CIST1: variants seen among roughly 807,000 people sequenced by gnomAD.
CIST1 encodes uncharacterized LOC729966.
At chr19:18,251,274 C>T in the CIST1 span, among the ~76,000 whole-genome samples, 15 of 149,294 alleles carry the variant, frequency 1.0e-4, no homozygotes, top group Middle Eastern at 3.8e-3. Context: ...TACAGGCGCC[C>T]GCCACCATGC....
At chr19:18,254,403 C>A in the CIST1 span, among the ~76,000 whole-genome samples, 1 of 152,198 alleles carries the variant, frequency 6.6e-6, no homozygotes, top group African/African-American at 2.4e-5. Context: ...TGGTGAGCTG[C>A]TGAAGGGTTG....
the CIST1 span, among the ~76,000 whole-genome samples, chr19:18,254,220 C>T: frequency 6.6e-6 from 1 of 152,214 alleles, no homozygotes; most frequent in African/African-American, 2.4e-5. Context: ...CTCAAGGACC[C>T]TTGTCCTCTG....
chr19:18,254,149 C>T, the CIST1 span, among the ~76,000 whole-genome samples: 4 of 152,162 alleles, frequency 2.6e-5, no homozygotes, highest in Non-Finnish European at 4.4e-5. Flanking sequence ...AGATGAGAAA[C>T]TGAGGCTCAG....
At chr19:18,252,606 TTC>T in the CIST1 span, 3 of 367,750 alleles carry the variant, frequency 8.2e-6, no homozygotes, top group Admixed American at 4.7e-5. Context: ...CTCTCTCTCT[TTC>T]TCTCTCTCTT....
chr19:18,252,420 A>C, the CIST1 span: 1 of 398,990 alleles, frequency 2.5e-6, no homozygotes, highest in African/African-American at 2.1e-5. Flanking sequence ...GGGAGAAGAA[A>C]TCAGAGAGCT....
At chr19:18,254,750 C>G in the CIST1 span, among the ~76,000 whole-genome samples, 1 of 152,066 alleles carries the variant, frequency 6.6e-6, no homozygotes, top group Non-Finnish European at 1.5e-5. Context: ...AAGGCTCCTC[C>G]CCTCCACCCT....
the CIST1 span, among the ~76,000 whole-genome samples, chr19:18,253,462 G>A: frequency 6.6e-6 from 1 of 151,708 alleles, no homozygotes; most frequent in East Asian, 1.9e-4. Flanking sequence ...GAGGTGGGAG[G>A]ATCGCTTGAG....
the CIST1 span, among the ~76,000 whole-genome samples, chr19:18,254,547 G>C: frequency 6.6e-6 from 1 of 152,328 alleles, no homozygotes; most frequent in South Asian, 2.1e-4. Context: ...GCTGGACTGA[G>C]CCTCAGTTTC....
chr19:18,253,176 T>C, the CIST1 span, among the ~76,000 whole-genome samples: 684 of 152,272 alleles, frequency 4.5e-3, 5 homozygotes, highest in African/African-American at 0.015. Flanking sequence ...GACTCAGTTT[T>C]CTTTTCTGTA....
the CIST1 span, chr19:18,252,109 C>T: frequency 1.3e-5 from 5 of 399,018 alleles, no homozygotes; most frequent in Non-Finnish European, 1.8e-5. Context: ...GTCAAGGGCT[C>T]CGTTCCGGGG....
At chr19:18,250,327 C>T in the CIST1 span, 7 of 399,024 alleles carry the variant, frequency 1.8e-5, no homozygotes, top group Non-Finnish European at 3.1e-5. Context: ...ACACCTCGTC[C>T]AGGTTCTCAA....
At chr19:18,251,980 A>G in the CIST1 span, 15 of 397,454 alleles carry the variant, frequency 3.8e-5, no homozygotes, top group East Asian at 4.3e-4. Context: ...TCGGGGCTGT[A>G]CCTCCCCCTG....
chr19:18,254,795 A>C, the CIST1 span, among the ~76,000 whole-genome samples: 1 of 152,212 alleles, frequency 6.6e-6, no homozygotes, highest in Non-Finnish European at 1.5e-5. Flanking sequence ...GAGGGAATTA[A>C]GTCAGACACC....
the CIST1 span, among the ~76,000 whole-genome samples, chr19:18,254,927 C>T: frequency 1.1e-4 from 17 of 152,358 alleles, no homozygotes; most frequent in East Asian, 3.3e-3. Context: ...CTAAAAGCAA[C>T]AGATTTGAAA....
the CIST1 span, among the ~76,000 whole-genome samples, chr19:18,252,720 C>G: frequency 2.0e-5 from 3 of 151,994 alleles, no homozygotes; most frequent in African/African-American, 7.2e-5. Context: ...TGGGTACAAG[C>G]AATTCTCCTG....
the CIST1 span, among the ~76,000 whole-genome samples, chr19:18,251,143 C>T: frequency 2.7e-5 from 4 of 147,928 alleles, no homozygotes; most frequent in East Asian, 2.0e-4. Flanking sequence ...TTTTCCCCCC[C>T]GAGATGGAGT....
chr19:18,250,101 T>C, the CIST1 span: 1 of 398,626 alleles, frequency 2.5e-6, no homozygotes, highest in East Asian at 3.6e-5. Flanking sequence ...GCCCCATCCA[T>C]GCCCCCATCT....
the CIST1 span, among the ~76,000 whole-genome samples, chr19:18,251,133 T>C: frequency 2.7e-5 from 4 of 150,558 alleles, no homozygotes; most frequent in Non-Finnish European, 4.4e-5. Flanking sequence ...AGAGTCTTTT[T>C]TTTCCCCCCC....
chr19:18,253,577 A>AG, the CIST1 span, among the ~76,000 whole-genome samples: 2 of 141,898 alleles, frequency 1.4e-5, no homozygotes, highest in Admixed American at 1.4e-4. Flanking sequence ...CACACACACA[A>AG]TAGAATAGAA....
Sources: allele counts gnomAD v4.1 joint callset (sites outside exome capture counted in the v4.1 genomes callset), GRCh38; gene constraint gnomAD v4.1.1; transcripts MANE v1.5; gene names NCBI Gene and HGNC (gene_info 2026-07-23, HGNC 2026-07-21).